ZDHHC9: variants seen among roughly 807,000 people sequenced by gnomAD.
The protein encoded by ZDHHC9 is palmitoyltransferase ZDHHC9.
A neutral mutation model predicts 26.6 loss-of-function variants in ZDHHC9; 3 were observed. The ratio of observed to expected loss-of-function variants is 0.11; its 90% confidence interval spans 0.05 to 0.29. The LOEUF (loss-of-function observed/expected upper bound fraction) is 0.29, where lower values mean the gene tolerates loss of function less well. Ranked by LOEUF, ZDHHC9 falls within the 10% of genes least tolerant of loss-of-function variation. The pLI, the probability that ZDHHC9 is intolerant of heterozygous loss-of-function variation, is 1.00. For missense variants in ZDHHC9, 146 were observed against 296.4 expected (o/e 0.49, Z 3.73); for synonymous variants, 111 against 109.4 (o/e 1.01, Z -0.09).
intron 5 of ZDHHC9, among the ~76,000 whole-genome samples, chrX:129,816,918 T>C (rs1427424607): frequency 3.6e-5 from 4 of 111,536 alleles, no homozygotes; most frequent in Admixed American, 9.5e-5. Context: ...GTTTCACACT[T>C]GTCACCCAGG....
chrX:129,811,889 T>C (rs1174335714), intron 8 of ZDHHC9, among the ~76,000 whole-genome samples: 3 of 111,533 alleles, frequency 2.7e-5, no homozygotes, highest in Admixed American at 9.5e-5. Context: ...CTGAATGATA[T>C]ATACTATTTT....
At chrX:129,832,964 CAAAAAAAAAAA>C (rs11317653) in intron 3 of ZDHHC9, among the ~76,000 whole-genome samples, 1,912 of 35,028 alleles carry the variant, frequency 0.055, 21 homozygotes, top group Non-Finnish European at 0.081. Context: ...GACTCCACCT[CAAAAAAAAAAA>C]AAAAAAAAAG....
At chrX:129,807,786 TC>T (rs776945965) in intron 10 of ZDHHC9, among the ~76,000 whole-genome samples, 3 of 112,092 alleles carry the variant, frequency 2.7e-5, no homozygotes, top group Admixed American at 1.9e-4. Context: ...GCTGCCGCAC[TC>T]CAGCCTGGGC....
rs762762877 is a variant in ZDHHC9 at position 129,814,806 on chromosome X, AAG to A, written c.488-13_488-12del. On this transcript the variant is annotated splice_polypyrimidine_tract_variant and intron_variant, in intron 5 of 10. Transcript: ENST00000357166. ...GATGGTCGAAGCGCTCTGTGGGAGA[AAG>A]AGAGAGTCCAAAGCCAAAAGCCTCC... 185 of 1,209,359 alleles carry A rather than the reference AAG, an allele frequency of 1.5e-4. 1 individual carries two copies. The highest frequency in any genetic ancestry group is 2.0e-4 in the Non-Finnish European group (178 of 894,987).
chrX:129,833,595 T>A (rs1317642583), intron 3 of ZDHHC9, among the ~76,000 whole-genome samples: 1 of 112,466 alleles, frequency 8.9e-6, no homozygotes, highest in Non-Finnish European at 1.9e-5. Context: ...TTGTTTGTTC[T>A]TTTATCAATG....
chrX:129,813,599 GGGA>G, intron 7 of ZDHHC9, 75 bp downstream of exon 7: 1 of 1,010,152 alleles, frequency 9.9e-7, no homozygotes, highest in South Asian at 1.9e-5. Flanking sequence ...ACTAGATAGT[GGGA>G]GAACTGTGGG....
At chrX:129,811,665 T>C (rs1432655461) in intron 8 of ZDHHC9, among the ~76,000 whole-genome samples, 156 bp from the exon 9 acceptor site, 1 of 111,879 alleles carries the variant, frequency 8.9e-6, no homozygotes, top group Non-Finnish European at 1.9e-5. Flanking sequence ...TGGAAATGGA[T>C]GGTGGCAATG....
intron 7 of ZDHHC9, among the ~76,000 whole-genome samples, chrX:129,813,084 G>A (rs747760598): frequency 8.9e-6 from 1 of 112,209 alleles, no homozygotes; most frequent in Non-Finnish European, 1.9e-5. Flanking sequence ...AGGGGCCAAA[G>A]CTAAACAATG....
chrX:129,809,514 A>C (rs1927588436), intron 10 of ZDHHC9, among the ~76,000 whole-genome samples: 1 of 111,844 alleles, frequency 8.9e-6, no homozygotes, highest in Non-Finnish European at 1.9e-5. Context: ...AGAAGAGAGA[A>C]ATCTGTACTA....
intron 3 of ZDHHC9, among the ~76,000 whole-genome samples, chrX:129,838,290 C>T (rs1162951848): frequency 8.9e-6 from 1 of 111,774 alleles, no homozygotes; most frequent in East Asian, 2.8e-4. Flanking sequence ...ATTTCAGGTT[C>T]TTGGAGTTGC....
chrX:129,828,361 G>T (rs984940659), intron 4 of ZDHHC9, among the ~76,000 whole-genome samples: 1 of 110,381 alleles, frequency 9.1e-6, no homozygotes, highest in Non-Finnish European at 1.9e-5. Context: ...GGTGGCTCAC[G>T]CCTGTAATCC....
At chrX:129,818,182 C>T (rs1927800217) in intron 5 of ZDHHC9, among the ~76,000 whole-genome samples, 1 of 111,831 alleles carries the variant, frequency 8.9e-6, no homozygotes, top group African/African-American at 3.2e-5. Context: ...GAAAAGGTCA[C>T]GTGAGGACAC....
intron 5 of ZDHHC9, among the ~76,000 whole-genome samples, chrX:129,821,808 G>A (rs1927894650): frequency 9.1e-6 from 1 of 109,545 alleles, no homozygotes; most frequent in Non-Finnish European, 1.9e-5. Context: ...TGTAATACCA[G>A]CTACTCAGGA....
At chrX:129,817,727 T>A (rs938395889) in intron 5 of ZDHHC9, among the ~76,000 whole-genome samples, 99 of 110,605 alleles carry the variant, frequency 9.0e-4, no homozygotes, top group African/African-American at 3.1e-3. Context: ...TCACACAATA[T>A]TTGTCTTTTT....
chrX:129,817,420 C>T (rs1345997970), intron 5 of ZDHHC9, among the ~76,000 whole-genome samples: 2 of 110,517 alleles, frequency 1.8e-5, no homozygotes, highest in African/African-American at 6.6e-5. Flanking sequence ...CCACTGCACT[C>T]CAGCCTGGGT....
At chrX:129,808,706 T>A (rs754911389) in intron 10 of ZDHHC9, among the ~76,000 whole-genome samples, 49 of 111,393 alleles carry the variant, frequency 4.4e-4, no homozygotes, top group African/African-American at 1.4e-3. Context: ...AAGAAAAAAA[T>A]AGACAAACTG....
At chrX:129,813,411 AT>A (rs1364760543) in intron 7 of ZDHHC9, among the ~76,000 whole-genome samples, 2 of 111,948 alleles carry the variant, frequency 1.8e-5, no homozygotes, top group East Asian at 5.6e-4. Flanking sequence ...AAAAAAGAGG[AT>A]GTGATTTATA....
intron 3 of ZDHHC9, among the ~76,000 whole-genome samples, chrX:129,831,980 G>A (rs60487416): frequency 0.038 from 4,183 of 110,059 alleles, 206 homozygotes; most frequent in African/African-American, 0.13. Flanking sequence ...GCGGACTATG[G>A]TTAATAACAC....
intron 5 of ZDHHC9, among the ~76,000 whole-genome samples, chrX:129,815,363 C>G (rs758881938): frequency 2.7e-5 from 3 of 111,497 alleles, no homozygotes; most frequent in Non-Finnish European, 3.8e-5. Context: ...AAATAAGGAT[C>G]GATTTTTTTG....
Sources: allele counts gnomAD v4.1 joint callset (sites outside exome capture counted in the v4.1 genomes callset), GRCh38; gene constraint gnomAD v4.1.1; transcripts MANE v1.5; gene names NCBI Gene and HGNC (gene_info 2026-07-23, HGNC 2026-07-21).